The following GLDC variants were observed in gnomAD, a reference collection of about 807,000 sequenced individuals.
GLDC encodes glycine dehydrogenase (decarboxylating), mitochondrial.
A neutral mutation model predicts 121.3 loss-of-function variants in GLDC; 104 were observed. The ratio of observed to expected loss-of-function variants is 0.86; its 90% confidence interval spans 0.73 to 1.01. GLDC has a LOEUF of 1.01. Ranked by LOEUF, GLDC falls within the 50% of genes least tolerant of loss-of-function variation. GLDC has a pLI of 0.00. For synonymous variants in GLDC, 546 were observed against 480.6 expected, an observed-to-expected ratio of 1.14 and a Z score of -1.78; for missense variants, 1,429 against 1,306.6, an observed-to-expected ratio of 1.09 and a Z score of -1.44.
chr9:6,576,780 TC>T (rs1818074104), intron 15 of GLDC, among the ~76,000 whole-genome samples: 1 of 152,224 alleles, frequency 6.6e-6, no homozygotes, highest in Non-Finnish European at 1.5e-5. Flanking sequence ...AGTTAGGATT[TC>T]AACAGGTGAA....
chr9:6,599,674 T>C (rs1022295396), intron 8 of GLDC, among the ~76,000 whole-genome samples: 2 of 150,484 alleles, frequency 1.3e-5, no homozygotes, highest in African/African-American at 2.5e-5. Flanking sequence ...TGAGCTGAGA[T>C]TGGGCCGCTG....
chr9:6,578,116 T>C (rs562506014), intron 15 of GLDC, among the ~76,000 whole-genome samples: 3 of 151,994 alleles, frequency 2.0e-5, no homozygotes, highest in African/African-American at 7.2e-5. Flanking sequence ...AGTCTCACTA[T>C]CTGGTCCAGG....
Position 6,604,614 on chromosome 9 carries a change from C to T in GLDC, c.1032G>A (p.Met344Ile), listed in dbSNP as rs752892944. Residue 344 changes from methionine to isoleucine, a missense_variant, in exon 7 of 25, where the codon ATG (methionine) becomes ATA (isoleucine). Physicochemically the swap from Met to Ile is conservative, Grantham distance 10. Transcript: ENST00000321612. ...TTGTTACCCCCACCATTCTTCCAGG[C>T]ATCATTCTCACCAAGCTTTCTCGGA... Reference protein sequence around the residue: ...FAVRESLVRMMPGRMVGVTRD... With the variant: ...FAVRESLVRMIPGRMVGVTRD... 4 of 1,612,916 alleles carry T rather than the reference C, an allele frequency of 2.5e-6. No individual in the cohort carries two copies. The highest frequency in any genetic ancestry group is 3.4e-6 in the Non-Finnish European group (4 of 1,179,914).
At chr9:6,568,605 T>G (rs1195669984) in intron 15 of GLDC, among the ~76,000 whole-genome samples, 4 of 152,162 alleles carry the variant, frequency 2.6e-5, no homozygotes, top group Non-Finnish European at 5.9e-5. Context: ...CCTAACACTT[T>G]GGGAGGCCAA....
At chr9:6,555,912 T>C (rs1156365808) in intron 18 of GLDC, among the ~76,000 whole-genome samples, 4 of 152,200 alleles carry the variant, frequency 2.6e-5, no homozygotes, top group Admixed American at 6.5e-5. Context: ...TCACAGTACA[T>C]AGATCCTCTG....
intron 2 of GLDC, among the ~76,000 whole-genome samples, chr9:6,633,377 A>G (rs570877972): frequency 1.8e-4 from 27 of 152,126 alleles, no homozygotes; most frequent in Non-Finnish European, 3.4e-4. Context: ...AAAACTCACT[A>G]AATCTGCAAC....
rs1817557171 is a variant in GLDC at position 6,553,490 on chromosome 9, A to G, written c.2335T>C (p.Phe779Leu). The change falls in exon 20 of 25, where the codon TTT becomes CTT. Residue 779 changes from phenylalanine to leucine, a missense_variant. Transcript: ENST00000321612. Reference sequence around the variant, plus strand: ...GAAATGACGGGATGATTGGGCAAAAACGGGGCGAGATGTTTCTTCCTGTAT... The same window carrying G: ...GAAATGACGGGATGATTGGGCAAAAGCGGGGCGAGATGTTTCTTCCTGTAT... ...PIGVKKHLAP[F>L]LPNHPVISLK... 6.2e-7 allele frequency: 1 copy of G among 1,613,204 alleles called. No homozygotes were observed. Among genetic ancestry groups the G allele is most frequent in the African/African-American group, 1.3e-5 (1 of 74,818 alleles).
chr9:6,635,712 A>G (rs78383567), intron 2 of GLDC, among the ~76,000 whole-genome samples: 249 of 152,028 alleles, frequency 1.6e-3, no homozygotes, highest in African/African-American at 5.7e-3. Flanking sequence ...CATGTCTACA[A>G]AAAAATTTAA....
chr9:6,633,204 C>T (rs1444037015), intron 2 of GLDC, among the ~76,000 whole-genome samples: 1 of 152,102 alleles, frequency 6.6e-6, no homozygotes, highest in Non-Finnish European at 1.5e-5. Context: ...CACAGGGGTC[C>T]GTAACTCCCT....
chr9:6,593,417 GC>G (rs1818419507), intron 9 of GLDC, among the ~76,000 whole-genome samples: 1 of 151,636 alleles, frequency 6.6e-6, no homozygotes, highest in Admixed American at 6.6e-5. Flanking sequence ...CCTTGCCTCA[GC>G]CTCCCAAGTA....
At chr9:6,580,042 G>C (rs1818144534) in intron 15 of GLDC, among the ~76,000 whole-genome samples, 1 of 152,174 alleles carries the variant, frequency 6.6e-6, no homozygotes, top group Non-Finnish European at 1.5e-5. Flanking sequence ...CACAGTCTCA[G>C]AACTACGGAA....
intron 2 of GLDC, among the ~76,000 whole-genome samples, chr9:6,629,929 C>CTATATATATATATATGTGTATA (rs1819327146): frequency 9.8e-6 from 1 of 102,152 alleles, no homozygotes; most frequent in African/African-American, 4.8e-5. Flanking sequence ...TTGCTTTTCA[C>CTATATATATATATATGTGTATA]TATATATATA....
At chr9:6,636,060 T>A (rs1819495534) in intron 2 of GLDC, among the ~76,000 whole-genome samples, 1 of 152,054 alleles carries the variant, frequency 6.6e-6, no homozygotes, top group African/African-American at 2.4e-5. Flanking sequence ...CCCAGCATTA[T>A]GGGAGGCCAA....
chr9:6,589,208 G>C lies in GLDC; in HGVS notation c.1567C>G (p.Gln523Glu), dbSNP rs199711131. The change falls in exon 12 of 25, where the codon CAA (glutamine) becomes GAA (glutamate). Residue 523 changes from glutamine to glutamate, a missense_variant. Coordinates refer to ENST00000321612, the MANE Select transcript of GLDC (RefSeq NM_000170.3). ...FKRTSPFLTH[Q>E]VFNSYHSETN... ...AGACACACAAACCTGTTGAACACTT[G>C]ATGGGTGAGGAACGGGCTGGTCCTC... 15 of 1,596,082 alleles carry C rather than the reference G, an allele frequency of 9.4e-6. No homozygotes were observed. The highest frequency in any genetic ancestry group is 3.3e-5 in the Admixed American group (2 of 59,998).
intron 3 of GLDC, among the ~76,000 whole-genome samples, chr9:6,616,549 C>T (rs6477101): frequency 0.016 from 2,423 of 152,182 alleles, 75 homozygotes; most frequent in African/African-American, 0.055. Flanking sequence ...ACAAATAACC[C>T]TCATTTCAGG....
intron 23 of GLDC, among the ~76,000 whole-genome samples, chr9:6,535,414 C>T (rs1817105178): frequency 6.6e-6 from 1 of 151,470 alleles, no homozygotes; most frequent in Admixed American, 6.6e-5. Flanking sequence ...TTCTGCAAGT[C>T]ACTGGTCCCT....
chr9:6,614,504 G>A (rs1274317795), intron 3 of GLDC, among the ~76,000 whole-genome samples: 1 of 151,854 alleles, frequency 6.6e-6, no homozygotes, highest in Non-Finnish European at 1.5e-5. Context: ...CAAAATGTTG[G>A]GAATACAGGC....
Position 6,587,174 on chromosome 9 carries a change from G to T in GLDC, c.1817C>A (p.Thr606Lys). 6.2e-7 allele frequency: 1 copy of T among 1,613,786 alleles called. No individual in the cohort carries two copies. Among genetic ancestry groups the T allele is most frequent in the Non-Finnish European group, 8.5e-7 (1 of 1,179,788 alleles). Residue 606 changes from threonine to lysine, a missense_variant, in exon 15 of 25, where the codon ACA becomes AAA. Coordinates refer to ENST00000321612, the MANE Select transcript of GLDC (RefSeq NM_000170.3). ...CTGGAAACAGACCTGGTCATAACCT[G>T]TGAGTTCACACAAATCCTTCTCAAG... Reference protein sequence around the residue: ...RELEKDLCELTGYDQVCFQPN... With the variant: ...RELEKDLCELKGYDQVCFQPN...
chr9:6,532,660 A>G lies in GLDC; in HGVS notation c.*357T>C. Reference sequence around the variant, plus strand: ...CCCACAGATGGCACAGTCCACATGGACTCTTTTGGAACAAAAAAATGTCTA... The same window carrying G: ...CCCACAGATGGCACAGTCCACATGGGCTCTTTTGGAACAAAAAAATGTCTA... On this transcript the variant is annotated 3_prime_UTR_variant, in exon 25 of 25. Coordinates refer to ENST00000321612, the MANE Select transcript of GLDC (RefSeq NM_000170.3). 1 of 299,798 alleles carries G rather than the reference A, an allele frequency of 3.3e-6. No individual in the cohort carries two copies. The highest frequency in any genetic ancestry group is 6.4e-6 in the Non-Finnish European group (1 of 155,208). The allele number at this position is 299,798 out of a possible 1,614,324, so 18.6% of individuals were successfully genotyped here.
Sources: allele counts gnomAD v4.1 joint callset (sites outside exome capture counted in the v4.1 genomes callset), GRCh38; gene constraint gnomAD v4.1.1; transcripts MANE v1.5; gene names NCBI Gene and HGNC (gene_info 2026-07-23, HGNC 2026-07-21).